The following NXT2 variants were observed in gnomAD, a reference collection of about 807,000 sequenced individuals.
NXT2 encodes NTF2-related export protein 2.
A neutral mutation model predicts 9.6 loss-of-function variants in NXT2; 1 was observed. The observed-to-expected ratio is 0.10, with a 90% CI of 0.04 to 0.49. NXT2 has a LOEUF of 0.49. NXT2 is among the 20% of genes least tolerant of loss of function. The pLI is 0.95. For missense variants in NXT2, 48 were observed against 100.3 expected, an observed-to-expected ratio of 0.48 and a Z score of 2.23; for synonymous variants, 22 against 35.4, an observed-to-expected ratio of 0.62 and a Z score of 1.34.
chrX:109,536,810 C>G, upstream of NXT2: 1 of 1,086,132 alleles, frequency 9.2e-7, no homozygotes, highest in Non-Finnish European at 1.2e-6. Context: ...GGAAGTGGAA[C>G]TTAAGGTTGG....
chrX:109,537,059 G>T, intron 1 of NXT2, 38 bp downstream of exon 1: 1 of 1,191,214 alleles, frequency 8.4e-7, no homozygotes, highest in Non-Finnish European at 1.1e-6. Context: ...CTGGGCGCCG[G>T]ACTCCAGTGG....
chrX:109,541,439 A>C, intron 2 of NXT2, 36 bp from the exon 3 acceptor site: 1 of 1,129,431 alleles, frequency 8.9e-7, no homozygotes, highest in South Asian at 2.1e-5. Context: ...TAGAAACAGA[A>C]TTATTTCCCT....
chrX:109,541,384 T>C (rs1240889751), intron 2 of NXT2, 91 bp from the exon 3 acceptor site: 34 of 828,062 alleles, frequency 4.1e-5, no homozygotes, highest in Non-Finnish European at 6.7e-6. Flanking sequence ...AAAATGTTTA[T>C]ATACCATCTG....
In NXT2 at chrX:109,543,654, C is replaced by T. The variant is rs1933467128; in HGVS notation, c.*966C>T. The T allele has an allele frequency of 8.9e-6, 1 of 112,086 alleles. No homozygotes were observed. The highest frequency in any genetic ancestry group is 1.9e-5 in the Non-Finnish European group (1 of 53,025). The allele number at this position is 112,086 out of a possible 1,213,427, so 9.2% of individuals were successfully genotyped here. ...TCTTTTTACTTCACCTCATACTTAT[C>T]ACCAATGTATATCTCCATTTATTCA... On this transcript the variant is annotated 3_prime_UTR_variant, in exon 4 of 4. Coordinates refer to ENST00000372106, the MANE Select transcript of NXT2 (RefSeq NM_001242617.2).
At chrX:109,537,355 G>A in intron 1 of NXT2, 1 of 851,687 alleles carries the variant, frequency 1.2e-6, no homozygotes, top group Non-Finnish European at 1.4e-6. Context: ...AAAGAAACTG[G>A]CGATTCATTG....
intron 2 of NXT2, among the ~76,000 whole-genome samples, chrX:109,538,740 A>G (rs1374136670): frequency 9.0e-6 from 1 of 111,451 alleles, no homozygotes; most frequent in Non-Finnish European, 1.9e-5. Flanking sequence ...TATGTGGTCA[A>G]GTGAGTCTTG....
At chrX:109,539,614 C>G (rs868807581) in intron 2 of NXT2, among the ~76,000 whole-genome samples, 10 of 109,728 alleles carry the variant, frequency 9.1e-5, no homozygotes, top group African/African-American at 3.0e-4. Context: ...TTGCACTTCT[C>G]TAATGACCAG....
chrX:109,541,161 A>G lies in NXT2; in HGVS notation c.103-314A>G, dbSNP rs990039661. 3.6e-5 allele frequency among the ~76,000 whole-genome samples: 4 copies of G among 112,015 alleles called. No individual in the cohort carries two copies. The Admixed American group carries it at 3.8e-4, about 11-fold the overall frequency. ...CTGCATTTGCTTGGAATTTGTGATC[A>G]TTTAATTCATTTGAATACAGAAAGC... On this transcript the variant is annotated intron_variant, in intron 2 of 3. Transcript: ENST00000372106.
intron 2 of NXT2, among the ~76,000 whole-genome samples, chrX:109,539,326 A>G (rs1933360918): frequency 8.9e-6 from 1 of 112,445 alleles, no homozygotes; most frequent in Admixed American, 9.4e-5. Flanking sequence ...TAGTGCCACA[A>G]TAAACATATG....
rs1377308488 is a variant in NXT2, at chrX:109,543,915, A to G, written c.*1227A>G. On this transcript the variant is annotated 3_prime_UTR_variant, in exon 4 of 4. Coordinates refer to ENST00000372106, the MANE Select transcript of NXT2 (RefSeq NM_001242617.2). ...GCATTATCTTTAATTATTTAAAGGT[A>G]GAATTATTTAATTTTGTGATTTGTT... 8.9e-6 allele frequency: 1 copy of G among 112,547 alleles called. No individual in the cohort carries two copies. Among genetic ancestry groups the G allele is most frequent in the East Asian group, 2.8e-4 (1 of 3,621 alleles). 9.3% of individuals were successfully genotyped at this position (112,547 alleles called of 1,213,427 possible).
chrX:109,538,979 C>T (rs940866691), intron 2 of NXT2, among the ~76,000 whole-genome samples: 4 of 111,053 alleles, frequency 3.6e-5, no homozygotes, highest in African/African-American at 1.3e-4. Context: ...CCCATCAACC[C>T]GTCATCTACA....
At chrX:109,540,572 C>T (rs781214790) in intron 2 of NXT2, among the ~76,000 whole-genome samples, 8 of 111,021 alleles carry the variant, frequency 7.2e-5, no homozygotes, top group South Asian at 7.5e-4. Flanking sequence ...ATGATCCACC[C>T]GCCTCAGCCT....
At chrX:109,535,995 A>G, upstream of NXT2, 1 of 1,133,696 alleles carries the variant, frequency 8.8e-7, no homozygotes, top group South Asian at 1.9e-5. Context: ...TACGACATCT[A>G]ATTAATTTGC....
intron 1 of NXT2, 37 bp downstream of exon 1, chrX:109,537,058 G>A (rs370503612): frequency 3.3e-5 from 39 of 1,188,387 alleles, no homozygotes; most frequent in Admixed American, 9.3e-5. Flanking sequence ...GCTGGGCGCC[G>A]GACTCCAGTG....
upstream of NXT2, chrX:109,536,610 C>T (rs1363526118): frequency 2.0e-5 from 4 of 201,060 alleles, no homozygotes; most frequent in Non-Finnish European, 3.6e-5. Flanking sequence ...GCTTTGGCTC[C>T]GCCTCCTGGG....
At chrX:109,537,559 C>CGTGTGTGTGTGT (rs111431650) in intron 1 of NXT2, 3 of 119,859 alleles carry the variant, frequency 2.5e-5, no homozygotes, top group African/African-American at 1.1e-4. Flanking sequence ...GAACTACTTT[C>CGTGTGTGTGTGT]GTGTGTGTGT....
chrX:109,540,311 C>T (rs1050165699), intron 2 of NXT2, among the ~76,000 whole-genome samples: 1 of 110,536 alleles, frequency 9.0e-6, no homozygotes, highest in Non-Finnish European at 1.9e-5. Flanking sequence ...TATGTGTTGA[C>T]CTTTTTTTTT....
intron 2 of NXT2, among the ~76,000 whole-genome samples, chrX:109,538,971 C>T (rs917719720): frequency 2.5e-4 from 28 of 111,139 alleles, no homozygotes; most frequent in African/African-American, 8.2e-4. Context: ...TTGCTGCACC[C>T]ATCAACCCGT....
chrX:109,540,421 G>A (rs1009502471), intron 2 of NXT2, among the ~76,000 whole-genome samples: 4 of 110,049 alleles, frequency 3.6e-5, no homozygotes, highest in African/African-American at 1.3e-4. Flanking sequence ...TCTGCCTCCC[G>A]GGTTCAAGCG....
Sources: allele counts gnomAD v4.1 joint callset (sites outside exome capture counted in the v4.1 genomes callset), GRCh38; gene constraint gnomAD v4.1.1; transcripts MANE v1.5; gene names NCBI Gene and HGNC (gene_info 2026-07-23, HGNC 2026-07-21).